ARK2C: variants seen among roughly 807,000 people sequenced by gnomAD.
ARK2C encodes the protein arkadia (RNF111) C-terminal like ring finger ubiquitin ligase 2C, also known as E3 ubiquitin-protein ligase ARK2C.
At chr18:46,447,378 T>C in the ARK2C span, 1 of 651,794 alleles carries the variant, frequency 1.5e-6, no homozygotes, top group Admixed American at 2.8e-5. Flanking sequence ...TCAGAGTCCT[T>C]TCCTTCTCTG....
chr18:46,354,174 C>T, the ARK2C span, among the ~76,000 whole-genome samples: 2 of 152,214 alleles, frequency 1.3e-5, no homozygotes, highest in Non-Finnish European at 2.9e-5. Context: ...CCAGCGAAGG[C>T]CCAGGGAAGG....
the ARK2C span, among the ~76,000 whole-genome samples, chr18:46,402,539 A>C: frequency 5.7e-4 from 86 of 152,066 alleles, no homozygotes; most frequent in African/African-American, 2.0e-3. Flanking sequence ...TTTCGAGAGA[A>C]TCTCTCTCTG....
At chr18:46,347,695 C>T in the ARK2C span, among the ~76,000 whole-genome samples, 11 of 152,240 alleles carry the variant, frequency 7.2e-5, no homozygotes, top group East Asian at 1.7e-3. Context: ...TGGCTATCTG[C>T]TAGGGAGTTG....
the ARK2C span, among the ~76,000 whole-genome samples, chr18:46,348,051 C>T: frequency 2.6e-5 from 4 of 152,132 alleles, no homozygotes; most frequent in African/African-American, 7.2e-5. Context: ...TACTGAACCT[C>T]GTGGGAAACA....
At chr18:46,341,385 G>A in the ARK2C span, among the ~76,000 whole-genome samples, 1 of 152,092 alleles carries the variant, frequency 6.6e-6, no homozygotes, top group Non-Finnish European at 1.5e-5. Flanking sequence ...TTTACTGTAA[G>A]GTGGAGTAAG....
chr18:46,357,120 T>C, the ARK2C span, among the ~76,000 whole-genome samples: 53 of 152,334 alleles, frequency 3.5e-4, no homozygotes, highest in African/African-American at 1.2e-3. Flanking sequence ...ATGAACTCGT[T>C]GTTTTATCAT....
At chr18:46,372,982 C>G in the ARK2C span, among the ~76,000 whole-genome samples, 1 of 152,256 alleles carries the variant, frequency 6.6e-6, no homozygotes, top group Non-Finnish European at 1.5e-5. Context: ...GGGGACCCTC[C>G]TGCTGGGAAA....
At chr18:46,462,711 T>A in the ARK2C span, 1 of 152,626 alleles carries the variant, frequency 6.6e-6, no homozygotes, top group Non-Finnish European at 1.5e-5. Flanking sequence ...GCATGCCTTA[T>A]GCTGCTCTGC....
chr18:46,449,606 T>C, the ARK2C span, among the ~76,000 whole-genome samples: 2 of 152,080 alleles, frequency 1.3e-5, no homozygotes, highest in African/African-American at 4.8e-5. Context: ...TTGAATCATG[T>C]GGGGGCAGTT....
the ARK2C span, among the ~76,000 whole-genome samples, chr18:46,439,741 A>G: frequency 6.6e-6 from 1 of 152,242 alleles, no homozygotes; most frequent in Non-Finnish European, 1.5e-5. Flanking sequence ...ATATCAAACA[A>G]TAAAAAAATA....
the ARK2C span, among the ~76,000 whole-genome samples, chr18:46,365,355 T>C: frequency 4.1e-4 from 63 of 152,314 alleles, no homozygotes; most frequent in African/African-American, 1.5e-3. Flanking sequence ...GGATGACCTA[T>C]GTCTGTCTCT....
At chr18:46,434,321 A>T in the ARK2C span, among the ~76,000 whole-genome samples, 1 of 152,260 alleles carries the variant, frequency 6.6e-6, no homozygotes, top group Non-Finnish European at 1.5e-5. Flanking sequence ...AAAAGTTTTA[A>T]ATATTTATTA....
chr18:46,342,495 G>A, the ARK2C span, among the ~76,000 whole-genome samples: 2 of 152,202 alleles, frequency 1.3e-5, no homozygotes, highest in East Asian at 1.9e-4. Flanking sequence ...AGACAGGGAG[G>A]GTGCATGGTG....
the ARK2C span, among the ~76,000 whole-genome samples, chr18:46,369,910 C>A: frequency 6.6e-6 from 1 of 152,154 alleles, no homozygotes; most frequent in Admixed American, 6.5e-5. Context: ...ACCAAGAAAC[C>A]ACTCTTGGGA....
At chr18:46,420,573 G>A in the ARK2C span, among the ~76,000 whole-genome samples, 8 of 152,062 alleles carry the variant, frequency 5.3e-5, no homozygotes, top group Non-Finnish European at 5.9e-5. Context: ...GGCCAGATGC[G>A]GTGGCTCACG....
the ARK2C span, among the ~76,000 whole-genome samples, chr18:46,358,383 C>T: frequency 7.1e-4 from 108 of 152,286 alleles, no homozygotes; most frequent in African/African-American, 2.5e-3. Context: ...ATGTACACAG[C>T]ACACCCAGCC....
the ARK2C span, chr18:46,335,581 C>G: frequency 2.0e-5 from 3 of 153,038 alleles, no homozygotes; most frequent in East Asian, 5.7e-4. Context: ...CCTCCTCCCC[C>G]TCTCCCCACT....
chr18:46,430,823 C>T, the ARK2C span, among the ~76,000 whole-genome samples: 1 of 152,258 alleles, frequency 6.6e-6, no homozygotes, highest in East Asian at 1.9e-4. Context: ...TCTTATTTTC[C>T]TGAGGGTATG....
the ARK2C span, among the ~76,000 whole-genome samples, chr18:46,366,738 C>A: frequency 1.3e-5 from 2 of 152,186 alleles, no homozygotes; most frequent in African/African-American, 4.8e-5. Context: ...TCTGACCTTC[C>A]TAGTCCTGAG....
Sources: allele counts gnomAD v4.1 joint callset (sites outside exome capture counted in the v4.1 genomes callset), GRCh38; gene constraint gnomAD v4.1.1; transcripts MANE v1.5; gene names NCBI Gene and HGNC (gene_info 2026-07-23, HGNC 2026-07-21).